Variants in NEBL observed in about 807,000 individuals in gnomAD.
The protein encoded by NEBL is nebulette.
NEBL carries 122 observed loss-of-function variants against 140.2 expected under a neutral mutation model. The observed-to-expected ratio is 0.87, with a 90% confidence interval of 0.75 to 1.01. NEBL has a LOEUF of 1.01. NEBL is among the 50% of genes least tolerant of loss of function. The probability of loss-of-function intolerance (pLI) is 0.00; values close to 1 mark genes in which losing one functional copy is unlikely to be tolerated. For missense variants in NEBL, 1,365 were observed against 1,231.3 expected (o/e 1.11, Z -1.62); for synonymous variants, 436 against 398.9 (o/e 1.09, Z -1.11).
Position 21,285,076 on chromosome 10 carries a change from G to A in NEBL, n.182+7754C>T, listed in dbSNP as rs146686852. Among the ~76,000 whole-genome samples, 43 of 152,212 alleles carry A rather than the reference G, an allele frequency of 2.8e-4. 1 individual carries two copies. The East Asian group carries it at 6.4e-3, about 23-fold the overall frequency. ...ATCCCACCTCTATAAAATAAGAAAA[G>A]CACCATCCTAACTGAGTCACTATGA... On this transcript the variant is annotated intron_variant and non_coding_transcript_variant, in intron 1 of 8. Coordinates refer to the NEBL transcript ENST00000675702.
chr10:21,171,359 AAAAG>A (rs916395808), intron 2 of NEBL, among the ~76,000 whole-genome samples: 4 of 138,930 alleles, frequency 2.9e-5, no homozygotes, highest in South Asian at 2.3e-4. Context: ...AGAAAAAAAA[AAAAG>A]AAAGAAAGGA....
chr10:21,073,167 T>C (rs1564501369), intron 2 of NEBL, among the ~76,000 whole-genome samples: 1 of 152,004 alleles, frequency 6.6e-6, no homozygotes, highest in Non-Finnish European at 1.5e-5. Flanking sequence ...TGGAAAAATG[T>C]CTTCATTCAT....
rs147044253 is a variant in NEBL at position 21,289,675 on chromosome 10, C to A, written n.182+3155G>T. Among the ~76,000 whole-genome samples, 714 of 152,284 alleles carry A rather than the reference C, an allele frequency of 4.7e-3. 1 individual carries two copies. The highest frequency in any genetic ancestry group is 0.01 in the Middle Eastern group (3 of 294). Reference sequence around the variant, plus strand: ...GCCTGGTCTTACTCTTTGCTTTGAGCTTTAGGAAACTCACAACTAAATTTG... The same window carrying A: ...GCCTGGTCTTACTCTTTGCTTTGAGATTTAGGAAACTCACAACTAAATTTG... On this transcript the variant is annotated intron_variant and non_coding_transcript_variant, in intron 1 of 8. Transcript: ENST00000675702.
chr10:21,098,931 G>A (rs1290296749), intron 2 of NEBL, among the ~76,000 whole-genome samples: 1 of 152,082 alleles, frequency 6.6e-6, no homozygotes, highest in African/African-American at 2.4e-5. Context: ...GAGCCCAGGA[G>A]TTCGAGACCA....
At chr10:20,851,048 T>G (rs1307973864) in intron 10 of NEBL, among the ~76,000 whole-genome samples, 1 of 152,212 alleles carries the variant, frequency 6.6e-6, no homozygotes, top group Non-Finnish European at 1.5e-5. Context: ...ATGCAATATT[T>G]AATATCATAT....
chr10:21,143,477 C>T (rs149827535), intron 2 of NEBL, among the ~76,000 whole-genome samples: 1,726 of 131,114 alleles, frequency 0.013, 31 homozygotes, highest in African/African-American at 0.045. Context: ...AAAAATCAAA[C>T]GTGAAAAGTG....
intron 3 of NEBL, among the ~76,000 whole-genome samples, chr10:21,181,818 A>G (rs963431912): frequency 1.3e-5 from 2 of 152,222 alleles, no homozygotes; most frequent in Non-Finnish European, 2.9e-5. Context: ...CACCTCCCAC[A>G]AACAACAGCC....
intron 3 of NEBL, among the ~76,000 whole-genome samples, chr10:20,981,406 A>T (rs991054995): frequency 2.8e-5 from 4 of 144,050 alleles, no homozygotes; most frequent in East Asian, 2.3e-4. Flanking sequence ...TGCATCTCAT[A>T]AAAAAAACAC....
At chr10:21,087,044 G>C (rs1836667239) in intron 2 of NEBL, among the ~76,000 whole-genome samples, 1 of 152,058 alleles carries the variant, frequency 6.6e-6, no homozygotes, top group Non-Finnish European at 1.5e-5. Context: ...CCCTCACCAA[G>C]AATTTGCCTC....
At chr10:21,196,188 G>A (rs187720276) in intron 3 of NEBL, among the ~76,000 whole-genome samples, 2,479 of 151,972 alleles carry the variant, frequency 0.016, 30 homozygotes, top group South Asian at 0.025. Context: ...ATTTTTAGTA[G>A]AGACAGGGTT....
At chr10:21,043,652 C>A (rs899496409) in intron 2 of NEBL, among the ~76,000 whole-genome samples, 1 of 152,134 alleles carries the variant, frequency 6.6e-6, no homozygotes, top group African/African-American at 2.4e-5. Context: ...ATATCATCAC[C>A]TTTCCTAGTG....
chr10:20,798,827 A>G (rs10218906), intron 26 of NEBL, among the ~76,000 whole-genome samples: 1,766 of 152,336 alleles, frequency 0.012, 26 homozygotes, highest in African/African-American at 0.039. Flanking sequence ...ATCTTGGCAC[A>G]TCGATGAAAG....
intron 4 of NEBL, among the ~76,000 whole-genome samples, chr10:20,920,682 G>A (rs925948083): frequency 2.0e-5 from 3 of 152,048 alleles, no homozygotes; most frequent in Non-Finnish European, 4.4e-5. Context: ...AGAATAGGAA[G>A]GAAGAAATGG....
chr10:21,070,957 TC>T (rs943168615), intron 2 of NEBL, among the ~76,000 whole-genome samples: 1 of 151,848 alleles, frequency 6.6e-6, no homozygotes, highest in Non-Finnish European at 1.5e-5. Flanking sequence ...TGGGAGGATC[TC>T]TTGAGGCCAG....
intron 3 of NEBL, among the ~76,000 whole-genome samples, chr10:21,204,193 C>A (rs536289476): frequency 2.0e-5 from 3 of 152,290 alleles, no homozygotes; most frequent in African/African-American, 7.2e-5. Flanking sequence ...TGGCTTAGAA[C>A]AAGCCTCAGA....
chr10:20,896,944 C>G lies in NEBL; in HGVS notation c.153+14G>C. The G allele has an allele frequency of 6.2e-7, 1 of 1,612,030 alleles. No individual in the cohort carries two copies. Among genetic ancestry groups the G allele is most frequent in the Non-Finnish European group, 8.5e-7 (1 of 1,178,188 alleles). On this transcript the variant is annotated intron_variant, in intron 2 of 27. Transcript: ENST00000377122. ...GCAATGCAAAATAAGACAAAAATTA[C>G]TCCAGCCACTTACATCGCTAATGAG...
intron 9 of NEBL, among the ~76,000 whole-genome samples, chr10:20,854,639 A>C (rs1320183319): frequency 7.4e-6 from 1 of 135,486 alleles, no homozygotes; most frequent in Admixed American, 8.9e-5. Flanking sequence ...ATCATGGCTC[A>C]CTGCAGCCTT....
chr10:21,267,053 C>A (rs1348381575), intron 1 of NEBL, among the ~76,000 whole-genome samples: 1 of 152,104 alleles, frequency 6.6e-6, no homozygotes, highest in Admixed American at 6.6e-5. Flanking sequence ...CGGCTCACTG[C>A]AACCTCCACT....
intron 2 of NEBL, among the ~76,000 whole-genome samples, chr10:21,128,509 T>TTAATCTGATC (rs1332330374): frequency 6.6e-6 from 1 of 152,116 alleles, no homozygotes; most frequent in Non-Finnish European, 1.5e-5. Flanking sequence ...CAGATTAAAT[T>TTAATCTGATC]TAATCTAAAG....
Sources: gnomAD v4.1 joint callset for allele counts (sites outside exome capture counted in the v4.1 genomes callset) on GRCh38, gnomAD v4.1.1 for gene constraint, MANE v1.5 for transcripts, NCBI Gene and HGNC (gene_info 2026-07-23, HGNC 2026-07-21) for gene names.